CHCHD6: variants seen among roughly 807,000 people sequenced by gnomAD.
CHCHD6 encodes MICOS complex subunit MIC25.
Under a neutral mutation model 32.3 loss-of-function variants are expected in CHCHD6, and 28 were observed. The ratio of observed to expected loss-of-function variants is 0.87; its 90% CI spans 0.64 to 1.19. The LOEUF (loss-of-function observed/expected upper bound fraction) is 1.19, where lower values mean the gene tolerates loss of function less well. Among genes scored for constraint, CHCHD6 ranks in the 50% most tolerant of loss-of-function variants. The pLI is 0.00. For missense variants in CHCHD6, 333 were observed against 307.0 expected (o/e 1.08, Z -0.63); for synonymous variants, 122 against 117.5 (o/e 1.04, Z -0.25).
intron 4 of CHCHD6, chr3:126,766,317 A>C: frequency 1.1e-5 from 4 of 380,096 alleles, no homozygotes; most frequent in South Asian, 9.8e-5. Flanking sequence ...TCTAAACAAA[A>C]ATGCACCTTA....
intron 4 of CHCHD6, among the ~76,000 whole-genome samples, chr3:126,772,124 T>C (rs1484780700): frequency 1.3e-5 from 2 of 152,144 alleles, no homozygotes; most frequent in African/African-American, 4.8e-5. Flanking sequence ...TTTTTTGAGA[T>C]AGAGTCTTGC....
chr3:126,819,282 C>A (rs941512858), intron 4 of CHCHD6, among the ~76,000 whole-genome samples: 4 of 152,174 alleles, frequency 2.6e-5, no homozygotes, highest in African/African-American at 2.4e-5. Flanking sequence ...GTTCTCTGAG[C>A]CCATCAATCC....
At chr3:126,935,599 C>T (rs891819950) in intron 6 of CHCHD6, among the ~76,000 whole-genome samples, 8 of 152,146 alleles carry the variant, frequency 5.3e-5, no homozygotes, top group African/African-American at 1.7e-4. Context: ...AGCTCAAAAC[C>T]GTGTGCGGCT....
chr3:126,955,290 T>G (rs11714592), intron 6 of CHCHD6, among the ~76,000 whole-genome samples: 86,065 of 152,220 alleles, frequency 0.57, 26,417 homozygotes, highest in Non-Finnish European at 0.69. Context: ...CGCAGGCCAG[T>G]GAAGCGGGTC....
At chr3:126,939,384 G>T (rs1289810274) in intron 6 of CHCHD6, among the ~76,000 whole-genome samples, 1 of 152,218 alleles carries the variant, frequency 6.6e-6, no homozygotes, top group East Asian at 1.9e-4. Flanking sequence ...TCCTATCCCT[G>T]TACAGTTGGT....
intron 4 of CHCHD6, among the ~76,000 whole-genome samples, chr3:126,784,003 G>A (rs1938077746): frequency 6.6e-6 from 1 of 152,012 alleles, no homozygotes; most frequent in Admixed American, 6.6e-5. Context: ...ACCTTTTTTT[G>A]TATCCCCACT....
At position 126,704,345 on chromosome 3, in the gene CHCHD6, G is replaced by A. The variant is rs1934362661; in HGVS notation, c.33G>A (p.Arg11=). Residue 11 remains arginine (R), a synonymous_variant, in exon 1 of 8, where the codon AGG becomes AGA. Transcript: ENST00000290913. ...GCACGGAGAGCAGCGAGGGCCGCAG[G>A]GTGTCCTTCGGAGTGGACGAGGAGG... is the stretch of plus-strand genomic sequence containing the variant. MGSTESSEGR[R]VSFGVDEEER... 1 of 1,599,056 alleles carries A rather than the reference G, an allele frequency of 6.3e-7. No homozygotes were observed.
At chr3:126,898,140 G>A (rs1438370886) in intron 5 of CHCHD6, among the ~76,000 whole-genome samples, 1 of 152,242 alleles carries the variant, frequency 6.6e-6, no homozygotes, top group Admixed American at 6.5e-5. Flanking sequence ...CCCAGTGCAA[G>A]GTCAGCATCC....
At chr3:126,802,029 A>C (rs1310668355) in intron 4 of CHCHD6, among the ~76,000 whole-genome samples, 1 of 152,244 alleles carries the variant, frequency 6.6e-6, no homozygotes, top group Non-Finnish European at 1.5e-5. Flanking sequence ...AAAACTAACA[A>C]ACAGAAAGGA....
At chr3:126,835,902 T>G (rs775935900) in intron 4 of CHCHD6, among the ~76,000 whole-genome samples, 6 of 152,178 alleles carry the variant, frequency 3.9e-5, no homozygotes, top group Non-Finnish European at 8.8e-5. Context: ...TCGCATATTA[T>G]TTCTTCTGTA....
intron 6 of CHCHD6, 104 bp downstream of exon 6, chr3:126,914,854 A>G (rs1337005265): frequency 2.7e-5 from 19 of 714,898 alleles, no homozygotes; most frequent in Non-Finnish European, 4.6e-5. Context: ...AAGTTTCCCT[A>G]ATAATACACA....
At chr3:126,955,404 G>A (rs1045193930) in intron 6 of CHCHD6, among the ~76,000 whole-genome samples, 1 of 152,242 alleles carries the variant, frequency 6.6e-6, no homozygotes, top group Admixed American at 6.5e-5. Context: ...GTCCTCTTCA[G>A]GAAATAAGAG....
intron 7 of CHCHD6, among the ~76,000 whole-genome samples, chr3:126,959,982 G>A (rs1345695631): frequency 6.6e-6 from 1 of 152,186 alleles, no homozygotes; most frequent in Non-Finnish European, 1.5e-5. Flanking sequence ...TGTCACTGTC[G>A]TGTGGAGTGA....
intron 5 of CHCHD6, among the ~76,000 whole-genome samples, chr3:126,883,237 G>A (rs758592950): frequency 1.3e-4 from 20 of 152,284 alleles, no homozygotes; most frequent in Non-Finnish European, 2.1e-4. Flanking sequence ...GTTTCCCCGA[G>A]TTCTGTGAGC....
intron 4 of CHCHD6, among the ~76,000 whole-genome samples, chr3:126,744,242 C>T (rs1006434777): frequency 2.6e-5 from 4 of 152,310 alleles, no homozygotes; most frequent in African/African-American, 9.6e-5. Flanking sequence ...TCTATTTATG[C>T]AATTTATTCA....
intron 3 of CHCHD6, 107 bp from the exon 4 acceptor site, chr3:126,732,971 T>G (rs1576350122): frequency 4.7e-6 from 6 of 1,286,264 alleles, no homozygotes; most frequent in Non-Finnish European, 2.2e-6. Flanking sequence ...CGCTGGCTGG[T>G]TTCAGCATTT....
At chr3:126,841,342 G>T (rs191794220) in intron 4 of CHCHD6, among the ~76,000 whole-genome samples, 6 of 152,080 alleles carry the variant, frequency 3.9e-5, no homozygotes, top group Non-Finnish European at 8.8e-5. Flanking sequence ...GAATAATGCC[G>T]CAAGAGAAGT....
intron 6 of CHCHD6, among the ~76,000 whole-genome samples, chr3:126,935,778 C>T (rs2078471218): frequency 6.6e-6 from 1 of 152,188 alleles, no homozygotes; most frequent in African/African-American, 2.4e-5. Flanking sequence ...AGAAATGCAT[C>T]TTTAAGAATT....
At chr3:126,926,344 A>T (rs750959670) in intron 6 of CHCHD6, among the ~76,000 whole-genome samples, 1 of 152,234 alleles carries the variant, frequency 6.6e-6, no homozygotes, top group Admixed American at 6.5e-5. Flanking sequence ...TCCAATACTT[A>T]TGAACTCAAG....
Sources: gnomAD v4.1 joint callset for allele counts (sites outside exome capture counted in the v4.1 genomes callset) on GRCh38, gnomAD v4.1.1 for gene constraint, MANE v1.5 for transcripts, NCBI Gene and HGNC (gene_info 2026-07-23, HGNC 2026-07-21) for gene names.